The following DNM3 variants were observed in gnomAD, a reference collection of about 807,000 sequenced individuals.
DNM3 encodes the protein dynamin 3.
In DNM3, 47 loss-of-function variants were observed where a neutral mutation model predicts 101.6. The ratio of observed to expected loss-of-function variants is 0.46; its 90% CI spans 0.37 to 0.59. The LOEUF (loss-of-function observed/expected upper bound fraction) is 0.59, where lower values mean the gene tolerates loss of function less well. Among genes scored for constraint, DNM3 ranks in the 20% least tolerant of loss-of-function variants. The pLI is 0.00. For synonymous variants in DNM3, 385 were observed against 387.9 expected, an observed-to-expected ratio of 0.99 and a Z score of 0.09; for missense variants, 849 against 1,085.7, an observed-to-expected ratio of 0.78 and a Z score of 3.06.
chr1:171,924,929 C>T (rs1016183126), intron 2 of DNM3, among the ~76,000 whole-genome samples: 11 of 148,926 alleles, frequency 7.4e-5, no homozygotes, highest in South Asian at 2.1e-4. Context: ...GATGGAGTCT[C>T]GCTCTTCTTG....
At chr1:172,413,883 G>GAAGA (rs1270482090), downstream of DNM3, among the ~76,000 whole-genome samples, 4 of 152,164 alleles carry the variant, frequency 2.6e-5, no homozygotes, top group African/African-American at 9.7e-5. Flanking sequence ...CTTCTTACTG[G>GAAGA]AAGAAAGATT....
chr1:172,263,546 C>T (rs1036601241), intron 15 of DNM3, among the ~76,000 whole-genome samples: 2 of 152,166 alleles, frequency 1.3e-5, no homozygotes, highest in Non-Finnish European at 2.9e-5. Context: ...TTCCACATGG[C>T]TGGGGAGGCC....
chr1:171,930,377 C>T (rs1269347655), intron 2 of DNM3, among the ~76,000 whole-genome samples: 2 of 152,126 alleles, frequency 1.3e-5, no homozygotes, highest in African/African-American at 4.8e-5. Context: ...CTGGATTCAG[C>T]CTCTTTCCTA....
chr1:172,217,606 C>G (rs2060751030), intron 14 of DNM3, among the ~76,000 whole-genome samples: 1 of 152,106 alleles, frequency 6.6e-6, no homozygotes, highest in African/African-American at 2.4e-5. Flanking sequence ...TTCTCAAACT[C>G]TCTTTCTTCT....
chr1:172,131,932 C>CA (rs2056958741), intron 14 of DNM3: 1 of 182,142 alleles, frequency 5.5e-6, no homozygotes, highest in Admixed American at 6.2e-5. Context: ...AAAGTGCAAA[C>CA]AAAAAACTTA....
chr1:171,892,394 C>T (rs1306461499), intron 1 of DNM3, among the ~76,000 whole-genome samples: 2 of 152,114 alleles, frequency 1.3e-5, no homozygotes, highest in Non-Finnish European at 2.9e-5. Flanking sequence ...TCTCAGCTGA[C>T]AGAGCAAGGG....
intron 15 of DNM3, among the ~76,000 whole-genome samples, chr1:172,285,129 A>G (rs974922036): frequency 2.0e-5 from 3 of 152,204 alleles, no homozygotes; most frequent in African/African-American, 7.2e-5. Context: ...TGTCTGCTGA[A>G]ATATCACTCA....
chr1:171,857,908 G>A (rs981135483), intron 1 of DNM3, among the ~76,000 whole-genome samples: 2 of 151,856 alleles, frequency 1.3e-5, no homozygotes, highest in Non-Finnish European at 2.9e-5. Flanking sequence ...AGAGGCACTG[G>A]AGAGCTCTCT....
At chr1:172,110,115 C>A (rs187137725) in intron 13 of DNM3, among the ~76,000 whole-genome samples, 11 of 152,304 alleles carry the variant, frequency 7.2e-5, no homozygotes, top group African/African-American at 2.6e-4. Context: ...TATTCATTCC[C>A]TCTTTTCTCC....
chr1:172,103,665 A>C (rs1225932499), intron 13 of DNM3, among the ~76,000 whole-genome samples: 1 of 152,206 alleles, frequency 6.6e-6, no homozygotes, highest in African/African-American at 2.4e-5. Context: ...ATAATCTAAC[A>C]GAAATAATAA....
chr1:172,312,097 T>C (rs888197958), intron 16 of DNM3, among the ~76,000 whole-genome samples: 8 of 152,204 alleles, frequency 5.3e-5, no homozygotes, highest in African/African-American at 1.9e-4. Context: ...TCACTTATAT[T>C]TGGGGGAAGG....
Position 172,382,664 on chromosome 1 carries a change from C to T in DNM3, c.2058+3482C>T, listed in dbSNP as rs1203840339. Among the ~76,000 whole-genome samples the T allele has an allele frequency of 2.0e-5, 3 of 152,220 alleles. No homozygotes were observed. In the East Asian group the frequency reaches 5.8e-4, roughly 29 times the overall value. ...GCCCTCTCCAACTAGAGGACTCCTA[C>T]CCCCACAGGGTATTCATGAGTTATT... is the stretch of plus-strand genomic sequence containing the variant. On this transcript the variant is annotated intron_variant, in intron 18 of 20. Coordinates refer to ENST00000627582, the MANE Select transcript of DNM3 (RefSeq NM_015569.5).
chr1:172,127,551 A>G (rs114679090), intron 13 of DNM3, among the ~76,000 whole-genome samples: 1,983 of 151,610 alleles, frequency 0.013, 36 homozygotes, highest in African/African-American at 0.045. Context: ...TTGGGACTAC[A>G]GGCACCCGCC....
At position 172,081,890 on chromosome 1, in the gene DNM3, T is replaced by C. The variant is rs1375450679; in HGVS notation, c.1481T>C (p.Ile494Thr). Residue 494 changes from isoleucine (I) to threonine (T), a missense_variant, in exon 12 of 21, where the codon ATT (isoleucine) becomes ACT (threonine). Coordinates refer to ENST00000627582, the MANE Select transcript of DNM3 (RefSeq NM_015569.5). ...ATCAACACCAACCATGAAGACTTCA[T>C]TGGCTTCGCAAAGTACGTGAAACAC... ...SYINTNHEDFIGFANAQQRSS... is the reference protein window; with the variant it reads ...SYINTNHEDFTGFANAQQRSS... 1.9e-6 allele frequency: 3 copies of C among 1,613,094 alleles called. No individual in the cohort carries two copies. The highest frequency in any genetic ancestry group is 2.5e-6 in the Non-Finnish European group (3 of 1,179,508).
chr1:171,992,692 A>G (rs1207428762), intron 4 of DNM3, among the ~76,000 whole-genome samples: 1 of 151,904 alleles, frequency 6.6e-6, no homozygotes, highest in African/African-American at 2.4e-5. Context: ...CCAAGAGGAG[A>G]CTTTTGAAAG....
chr1:171,922,944 C>T lies in DNM3; in HGVS notation c.235+1123C>T, dbSNP rs188227637. Among the ~76,000 whole-genome samples, 13 of 152,268 alleles carry T rather than the reference C, an allele frequency of 8.5e-5. No homozygotes were observed. In the East Asian group the frequency reaches 1.9e-3, roughly 23 times the overall value. ...ATAGATCACATTTTGTTTGTCCATT[C>T]GTTAACTGAGGAGCATTTGAGTTGT... is the stretch of plus-strand genomic sequence containing the variant. On this transcript the variant is annotated intron_variant, in intron 2 of 20. Transcript: ENST00000627582.
chr1:172,124,617 T>C (rs1175432073), intron 13 of DNM3, among the ~76,000 whole-genome samples: 2 of 151,812 alleles, frequency 1.3e-5, no homozygotes, highest in Admixed American at 1.3e-4. Context: ...AGGAGAAGAG[T>C]GAGTGGGGTG....
intron 15 of DNM3, among the ~76,000 whole-genome samples, chr1:172,265,479 G>A (rs1157347206): frequency 2.6e-5 from 4 of 152,086 alleles, no homozygotes; most frequent in South Asian, 2.1e-4. Flanking sequence ...GCCTTCCTCT[G>A]GCTCTTTTAA....
At chr1:171,887,664 C>G (rs1418423803) in intron 1 of DNM3, among the ~76,000 whole-genome samples, 1 of 151,832 alleles carries the variant, frequency 6.6e-6, no homozygotes, top group African/African-American at 2.4e-5. Flanking sequence ...AAAATTCTTT[C>G]ACGTGGTTCA....
Sources: gnomAD v4.1 joint callset for allele counts (sites outside exome capture counted in the v4.1 genomes callset) on GRCh38, gnomAD v4.1.1 for gene constraint, MANE v1.5 for transcripts, NCBI Gene and HGNC (gene_info 2026-07-23, HGNC 2026-07-21) for gene names.